Variants in BBS2 observed in about 807,000 individuals in gnomAD.
BBS2 encodes BBSome complex member BBS2.
Under a neutral mutation model 83.0 loss-of-function variants are expected in BBS2, and 62 were observed. The observed-to-expected ratio is 0.75, with a 90% CI of 0.61 to 0.92. BBS2 has a LOEUF of 0.92. Among genes scored for constraint, BBS2 ranks in the 40% least tolerant of loss-of-function variants. The pLI, the probability that BBS2 is intolerant of heterozygous loss-of-function variation, is 0.00. For missense variants in BBS2, 784 were observed against 901.0 expected (o/e 0.87, Z 1.66); for synonymous variants, 303 against 326.1 (o/e 0.93, Z 0.76).
downstream of BBS2, among the ~76,000 whole-genome samples, chr16:56,480,356 A>AAAAAAAAAAAC (rs1338991655): frequency 4.0e-5 from 4 of 100,772 alleles, no homozygotes; most frequent in African/African-American, 1.1e-4. Context: ...CACACACAAA[A>AAAAAAAAAAAC]AAAAAAAAAC....
chr16:56,492,251 G>GA (rs1274548524), intron 15 of BBS2, among the ~76,000 whole-genome samples: 1 of 152,020 alleles, frequency 6.6e-6, no homozygotes, highest in Non-Finnish European at 1.5e-5. Flanking sequence ...CCAACATGTG[G>GA]AAAAAACATA....
chr16:56,498,123 G>A (rs1180064110), intron 13 of BBS2, among the ~76,000 whole-genome samples: 2 of 152,140 alleles, frequency 1.3e-5, no homozygotes, highest in Admixed American at 1.3e-4. Context: ...CATTGAAAAT[G>A]TTTTTGTTGA....
chr16:56,490,618 G>A (rs1311430267), intron 15 of BBS2, among the ~76,000 whole-genome samples: 1 of 151,876 alleles, frequency 6.6e-6, no homozygotes, highest in African/African-American at 2.4e-5. Flanking sequence ...TCCAGGCTGG[G>A]CAACAGAGTG....
chr16:56,494,262 C>T (rs1964048469), intron 15 of BBS2, among the ~76,000 whole-genome samples: 2 of 151,536 alleles, frequency 1.3e-5, no homozygotes, highest in Admixed American at 1.3e-4. Flanking sequence ...ACTACCGTGC[C>T]CAACCTGAAG....
rs1272132776 is a variant in BBS2, at chr16:56,514,661, T to A, written c.137A>T (p.His46Leu). The A allele has an allele frequency of 1.2e-6, 2 of 1,613,706 alleles. No individual in the cohort carries two copies. The highest frequency in any genetic ancestry group is 2.7e-5 in the African/African-American group (2 of 74,922). Residue 46 changes from histidine (H) to leucine (L), a missense_variant, in exon 2 of 17, where the codon CAT becomes CTT. Physicochemically the swap from His to Leu is moderately conservative, Grantham distance 99. Transcript: ENST00000245157. ...TGCACTGACATGCTGGTTCCGTGTA[T>A]GAGGATTATGAATAAAAACCTGAAA... ...QTGKVFIHNPHTRNQHVSASR... is the reference protein window; with the variant it reads ...QTGKVFIHNPLTRNQHVSASR...
intron 1 of BBS2, among the ~76,000 whole-genome samples, chr16:56,516,705 T>C (rs1053071792): frequency 3.3e-5 from 5 of 152,152 alleles, no homozygotes; most frequent in African/African-American, 1.2e-4. Flanking sequence ...GAGATTCCTT[T>C]TAAAAAAATA....
At chr16:56,502,552 TTGGTGA>T in intron 8 of BBS2, 96 bp from the exon 9 acceptor site, 1 of 1,610,390 alleles carries the variant, frequency 6.2e-7, no homozygotes, top group Non-Finnish European at 8.5e-7. Flanking sequence ...CTCCCCAACT[TTGGTGA>T]ATTTATTAGA....
At chr16:56,475,491 GTTTTTC>G (rs749552757) in intron 17 of BBS2, 74 of 1,613,238 alleles carry the variant, frequency 4.6e-5, no homozygotes, top group Non-Finnish European at 6.1e-5. Flanking sequence ...AATGCTGTTT[GTTTTTC>G]TCTTGTAAGG....
At chr16:56,504,347 A>C (rs1964366896) in intron 7 of BBS2, among the ~76,000 whole-genome samples, 1 of 152,212 alleles carries the variant, frequency 6.6e-6, no homozygotes. Context: ...AAGAAGGCTC[A>C]TTTGCTAACT....
At chr16:56,517,906 A>G (rs1597030955) in intron 1 of BBS2, among the ~76,000 whole-genome samples, 1 of 143,838 alleles carries the variant, frequency 7.0e-6, no homozygotes, top group Admixed American at 7.2e-5. Context: ...TGCAACCTCC[A>G]CCTCCTAGGT....
In BBS2 at chr16:56,488,388, T is replaced by C. The variant is rs568660245; in HGVS notation, c.1911-2650A>G. 1.0e-4 allele frequency among the ~76,000 whole-genome samples: 15 copies of C among 147,300 alleles called. No homozygotes were observed. The East Asian group carries it at 2.7e-3, about 27-fold the overall frequency. On this transcript the variant is annotated intron_variant, in intron 15 of 16. Transcript: ENST00000245157. ...AATTTCTGACTGATCTGCTTCAAGT[T>C]AGGGTTCCCATGACCCCCTCTGTGG...
rs540940011 is a variant in BBS2 at position 56,490,368 on chromosome 16, G to A, written c.1911-4630C>T. 3.7e-3 allele frequency among the ~76,000 whole-genome samples: 558 copies of A among 151,362 alleles called. 4 individuals are homozygous for A. The highest frequency in any genetic ancestry group is 0.011 in the South Asian group (54 of 4,784). On this transcript the variant is annotated intron_variant, in intron 15 of 16. Coordinates refer to ENST00000245157, the MANE Select transcript of BBS2 (RefSeq NM_031885.5). ...GTAATTCAAAATGTAAAAGTATTAAGAAAATGTGGCTGGGCACAGTGGCTC... is the reference window on the plus strand; with the variant it reads ...GTAATTCAAAATGTAAAAGTATTAAAAAAATGTGGCTGGGCACAGTGGCTC...
intron 9 of BBS2, chr16:56,501,986 G>A (rs1457183049): frequency 4.9e-6 from 2 of 407,948 alleles, no homozygotes. Context: ...TTCCATATCA[G>A]TCCAAGTATT....
intron 15 of BBS2, among the ~76,000 whole-genome samples, chr16:56,493,745 A>G (rs1399405525): frequency 2.2e-4 from 33 of 152,252 alleles, no homozygotes; most frequent in Admixed American, 2.2e-3. Flanking sequence ...GCATAACCAA[A>G]AGAGAAATAA....
chr16:56,500,811 C>CT, intron 11 of BBS2, 43 bp downstream of exon 11: 5 of 1,606,518 alleles, frequency 3.1e-6, no homozygotes, highest in Non-Finnish European at 4.3e-6. Flanking sequence ...TTGCCCTCCT[C>CT]TAAGTGCTGT....
rs369415186 is a variant in BBS2 at position 56,502,437 on chromosome 16, G to C, written c.960C>G (p.Gly320=). Residue 320 remains glycine (G), a synonymous_variant, in exon 9 of 17, where the codon GGC becomes GGG. Transcript: ENST00000245157. ...VDGEIRGYLP[G]TAEMRGNLMD... ...TGAGGTTGCCCCTCATCTCAGCCGT[G>C]CCAGGCAGGTAGCCCCGGACTGAAC... 5.6e-6 allele frequency: 9 copies of C among 1,614,190 alleles called. No individual in the cohort carries two copies. The highest frequency in any genetic ancestry group is 6.8e-6 in the Non-Finnish European group (8 of 1,180,036).
At position 56,470,854 on chromosome 16, in the gene BBS2, C is replaced by G. The variant is rs139485772; in HGVS notation, c.*1-159G>C. The G allele has an allele frequency of 9.6e-5, 137 of 1,430,324 alleles. No individual in the cohort carries two copies. In the Admixed American group the frequency reaches 2.7e-3, roughly 28 times the overall value. 88.6% of individuals were successfully genotyped at this position (1,430,324 alleles called of 1,614,324 possible). A position where few individuals can be genotyped will look rare whatever the true frequency, so the allele number is the denominator to read the frequency against. On this transcript the variant is annotated intron_variant, in intron 17 of 17. Transcript: ENST00000682047. ...ACCATTCACCATTCAAACATGTATT[C>G]ATTCAACAAACATTTATTGAGCATC...
At chr16:56,481,943 G>A (rs1387303708), downstream of BBS2, among the ~76,000 whole-genome samples, 4 of 152,174 alleles carry the variant, frequency 2.6e-5, no homozygotes, top group African/African-American at 9.7e-5. Flanking sequence ...TTAGAGCTCA[G>A]AGCCTCATCT....
At chr16:56,474,317 CTT>C (rs770427579) in intron 17 of BBS2, among the ~76,000 whole-genome samples, 6 of 130,052 alleles carry the variant, frequency 4.6e-5, no homozygotes, top group East Asian at 2.2e-4. Flanking sequence ...CAAAATTCAA[CTT>C]TTTTTTTTTT....
Sources: gnomAD v4.1 joint callset for allele counts (sites outside exome capture counted in the v4.1 genomes callset) on GRCh38, gnomAD v4.1.1 for gene constraint, MANE v1.5 for transcripts, NCBI Gene and HGNC (gene_info 2026-07-23, HGNC 2026-07-21) for gene names.